The following TESC variants were observed in gnomAD, a reference collection of about 807,000 sequenced individuals.
The protein encoded by TESC is tescalcin, also known as calcineurin B homologous protein 3.
In TESC, 19 loss-of-function variants were observed where a neutral mutation model predicts 31.0. The ratio of observed to expected loss-of-function variants is 0.61; its 90% CI spans 0.43 to 0.90. TESC has a LOEUF of 0.90. Ranked by LOEUF, TESC falls within the 40% of genes least tolerant of loss-of-function variation. The pLI is 0.00. For synonymous variants in TESC, 109 were observed against 114.8 expected, an observed-to-expected ratio of 0.95 and a Z score of 0.32; for missense variants, 248 against 303.8, an observed-to-expected ratio of 0.82 and a Z score of 1.36.
At chr12:117,060,574 C>T (rs1954788464) in intron 2 of TESC, among the ~76,000 whole-genome samples, 1 of 152,178 alleles carries the variant, frequency 6.6e-6, no homozygotes. Flanking sequence ...ACAATGACAG[C>T]TACAGCTCAC....
chr12:117,071,910 G>C (rs1954979156), intron 2 of TESC, among the ~76,000 whole-genome samples: 1 of 152,200 alleles, frequency 6.6e-6, no homozygotes, highest in South Asian at 2.1e-4. Context: ...GGAGGCACTT[G>C]TTAGAAATGC....
At chr12:117,066,020 T>A (rs989471063) in intron 2 of TESC, among the ~76,000 whole-genome samples, 2 of 152,000 alleles carry the variant, frequency 1.3e-5, no homozygotes, top group South Asian at 4.1e-4. Flanking sequence ...ATTCTCCTCA[T>A]GTGCTGGGCC....
At chr12:117,095,016 C>CAAAA (rs758816373) in intron 1 of TESC, among the ~76,000 whole-genome samples, 10 of 124,458 alleles carry the variant, frequency 8.0e-5, no homozygotes, top group Non-Finnish European at 1.4e-4. Context: ...AAATTCATCT[C>CAAAA]AAAAAAAAAA....
intron 2 of TESC, among the ~76,000 whole-genome samples, chr12:117,059,763 C>G (rs2135764911): frequency 6.6e-6 from 1 of 152,138 alleles, no homozygotes; most frequent in Admixed American, 6.5e-5. Flanking sequence ...CAGCTAACTT[C>G]TGTATTTTTA....
In TESC at chr12:117,092,974, C is replaced by T. The variant is rs568070804; in HGVS notation, c.58+6251G>A. ...CTATTTCATGGGGTTCATGGACTCC[C>T]TGAAGATGCCAGGGGAAAAGCCACA... On this transcript the variant is annotated intron_variant, in intron 1 of 7. Coordinates refer to ENST00000335209, the MANE Select transcript of TESC (RefSeq NM_017899.4). 5.3e-5 allele frequency among the ~76,000 whole-genome samples: 8 copies of T among 152,158 alleles called. No homozygotes were observed. The South Asian group carries it at 1.5e-3, about 28-fold the overall frequency.
intron 1 of TESC, among the ~76,000 whole-genome samples, chr12:117,078,008 G>A (rs12317406): frequency 0.033 from 5,002 of 152,152 alleles, 303 homozygotes; most frequent in African/African-American, 0.11. Context: ...TCTGGGAAGA[G>A]AAAAGAAAAA....
intron 3 of TESC, among the ~76,000 whole-genome samples, chr12:117,054,639 G>A (rs1278163782): frequency 6.6e-6 from 1 of 152,108 alleles, no homozygotes; most frequent in Non-Finnish European, 1.5e-5. Flanking sequence ...CCCTCTCCCC[G>A]TGAGCAGCAC....
At chr12:117,064,658 T>C (rs1465013935) in intron 2 of TESC, among the ~76,000 whole-genome samples, 1 of 152,064 alleles carries the variant, frequency 6.6e-6, no homozygotes, top group Non-Finnish European at 1.5e-5. Context: ...CAGGGAGTGA[T>C]GAGTACTTTG....
intron 7 of TESC, 99 bp downstream of exon 7, chr12:117,041,848 C>A: frequency 7.9e-7 from 1 of 1,272,746 alleles, no homozygotes. Flanking sequence ...GGAAGCCTGT[C>A]CCTTGCTACT....
intron 2 of TESC, 94 bp downstream of exon 2, chr12:117,075,177 T>C (rs1955030906): frequency 8.0e-7 from 1 of 1,251,196 alleles, no homozygotes. Context: ...AGAAAACAAC[T>C]ACCCCCGCTA....
At chr12:117,063,483 G>C (rs546853518) in intron 2 of TESC, among the ~76,000 whole-genome samples, 1 of 152,204 alleles carries the variant, frequency 6.6e-6, no homozygotes, top group South Asian at 2.1e-4. Flanking sequence ...CGTGGTGTGG[G>C]TTGGTTTCCG....
chr12:117,060,978 T>G (rs567244625), intron 2 of TESC, among the ~76,000 whole-genome samples: 2 of 152,320 alleles, frequency 1.3e-5, no homozygotes, highest in Admixed American at 6.5e-5. Context: ...GAGGGCACAC[T>G]GATACTGACA....
intron 2 of TESC, among the ~76,000 whole-genome samples, chr12:117,064,375 C>G (rs971052748): frequency 1.3e-5 from 2 of 152,200 alleles, no homozygotes; most frequent in African/African-American, 4.8e-5. Flanking sequence ...CTTTTTGCTC[C>G]TGGCAAATGC....
At chr12:117,064,052 G>A (rs747564949) in intron 2 of TESC, among the ~76,000 whole-genome samples, 1 of 152,016 alleles carries the variant, frequency 6.6e-6, no homozygotes, top group Non-Finnish European at 1.5e-5. Flanking sequence ...AGCCTCCTGA[G>A]CAGCTGGGAC....
At chr12:117,078,662 A>T (rs4767495) in intron 1 of TESC, among the ~76,000 whole-genome samples, 1 of 152,188 alleles carries the variant, frequency 6.6e-6, no homozygotes, top group Admixed American at 6.5e-5. Context: ...CTACCAAGAG[A>T]GCACAACTCT....
At chr12:117,075,725 C>T (rs555175728) in intron 1 of TESC, among the ~76,000 whole-genome samples, 74 of 150,560 alleles carry the variant, frequency 4.9e-4, no homozygotes, top group African/African-American at 1.4e-3. Flanking sequence ...GGCACGACCT[C>T]GGCATCTCAG....
chr12:117,045,674 G>A (rs1954547225), intron 6 of TESC, among the ~76,000 whole-genome samples: 1 of 152,228 alleles, frequency 6.6e-6, no homozygotes, highest in African/African-American at 2.4e-5. Flanking sequence ...ACAGGCTTGG[G>A]GCACAGAGAG....
At chr12:117,083,212 G>A (rs902754585) in intron 1 of TESC, among the ~76,000 whole-genome samples, 3 of 151,912 alleles carry the variant, frequency 2.0e-5, no homozygotes, top group South Asian at 2.1e-4. Flanking sequence ...CAGCCTCCCC[G>A]CACTGGGTGG....
At chr12:117,088,272 T>C (rs1467310738) in intron 1 of TESC, among the ~76,000 whole-genome samples, 1 of 151,942 alleles carries the variant, frequency 6.6e-6, no homozygotes, top group African/African-American at 2.4e-5. Flanking sequence ...ATTTTGAGAG[T>C]GGGCGAGTGG....
Sources: allele counts gnomAD v4.1 joint callset (sites outside exome capture counted in the v4.1 genomes callset), GRCh38; gene constraint gnomAD v4.1.1; transcripts MANE v1.5; gene names NCBI Gene and HGNC (gene_info 2026-07-23, HGNC 2026-07-21).